PEX1: variants seen among roughly 807,000 people sequenced by gnomAD.
PEX1 encodes peroxisomal biogenesis factor 1.
PEX1 carries 97 observed loss-of-function variants against 152.5 expected under a neutral mutation model. The observed-to-expected ratio is 0.64, with a 90% confidence interval of 0.54 to 0.75. The LOEUF is 0.75. Among genes scored for constraint, PEX1 ranks in the 30% least tolerant of loss-of-function variants. The pLI is 0.00. For missense variants in PEX1, 1,357 were observed against 1,516.3 expected (o/e 0.89, Z 1.74); for synonymous variants, 485 against 531.6 (o/e 0.91, Z 1.21).
At chr7:92,494,877 T>C (rs987183591) in intron 17 of PEX1, among the ~76,000 whole-genome samples, 1 of 151,744 alleles carries the variant, frequency 6.6e-6, no homozygotes, top group African/African-American at 2.4e-5. Flanking sequence ...AGGCAAGGCA[T>C]ATGAAATTAC....
At chr7:92,488,934 G>A (rs147682900) in intron 23 of PEX1, among the ~76,000 whole-genome samples, 2,095 of 152,164 alleles carry the variant, frequency 0.014, 44 homozygotes, top group African/African-American at 0.044. Context: ...GGGTTTCCCC[G>A]TGTTGGTTAG....
intron 1 of PEX1, among the ~76,000 whole-genome samples, chr7:92,527,572 C>T (rs1162685642): frequency 6.6e-6 from 1 of 152,194 alleles, no homozygotes; most frequent in Non-Finnish European, 1.5e-5. Context: ...CTGGTGGGTA[C>T]CATGCATCCA....
chr7:92,488,466 C>CTAGA (rs1791059681), intron 23 of PEX1, among the ~76,000 whole-genome samples: 1 of 152,102 alleles, frequency 6.6e-6, no homozygotes, highest in South Asian at 2.1e-4. Context: ...AATCATTGAC[C>CTAGA]TAGAATGGTT....
At chr7:92,495,866 A>T (rs1160254080) in intron 17 of PEX1, among the ~76,000 whole-genome samples, 1 of 152,042 alleles carries the variant, frequency 6.6e-6, no homozygotes, top group Non-Finnish European at 1.5e-5. Context: ...ATTTCATGAG[A>T]TAGATACATA....
chr7:92,506,018 T>C (rs1792171080), intron 11 of PEX1, among the ~76,000 whole-genome samples: 1 of 151,930 alleles, frequency 6.6e-6, no homozygotes, highest in Non-Finnish European at 1.5e-5. Context: ...AGAAATGTAG[T>C]CTACAAAAAG....
chr7:92,504,788 G>T lies in PEX1; in HGVS notation c.2015C>A (p.Ala672Asp), dbSNP rs897278975. 1 of 1,614,194 alleles carries T rather than the reference G, an allele frequency of 6.2e-7. No homozygotes were observed. Among genetic ancestry groups the T allele is most frequent in the Admixed American group, 1.7e-5 (1 of 60,032 alleles). Residue 672 changes from alanine to aspartate, a missense_variant, in exon 12 of 24, where the codon GCT (alanine) becomes GAT (aspartate). Coordinates refer to ENST00000248633, the MANE Select transcript of PEX1 (RefSeq NM_000466.3). ...DDLDLIAGLP[A>D]VPEHEHSPDA... Reference sequence around the variant, plus strand: ...AGGACTGTGCTCATGTTCCGGGACAGCAGGCAGTCCAGCAATGAGGTCAAG... The same window carrying T: ...AGGACTGTGCTCATGTTCCGGGACATCAGGCAGTCCAGCAATGAGGTCAAG...
chr7:92,528,003 A>C (rs1793370165), intron 1 of PEX1, among the ~76,000 whole-genome samples: 1 of 152,226 alleles, frequency 6.6e-6, no homozygotes, highest in Admixed American at 6.5e-5. Context: ...ATAAAAACAA[A>C]CCACTTCTCA....
Position 92,511,037 on chromosome 7 carries a change from T to G in PEX1, c.1494A>C (p.Glu498Asp). 3.4e-6 allele frequency: 5 copies of G among 1,465,142 alleles called. No homozygotes were observed. The highest frequency in any genetic ancestry group is 4.8e-6 in the Non-Finnish European group (5 of 1,045,838). 90.8% of individuals were successfully genotyped at this position (1,465,142 alleles called of 1,614,324 possible). Residue 498 changes from glutamate (E) to aspartate (D), a missense_variant, in exon 8 of 24, where the codon GAA (glutamate) becomes GAC (aspartate). By Grantham distance (45) the Glu-to-Asp change is conservative. Coordinates refer to ENST00000248633, the MANE Select transcript of PEX1 (RefSeq NM_000466.3). ...IKLETKDGLKEFSLSIVHSWE... is the reference protein window; with the variant it reads ...IKLETKDGLKDFSLSIVHSWE... The stretch of plus-strand genomic sequence containing the variant: ...AAGAATGAACTATACTCAGAGAAAA[T>G]TCCTTCAGTCCTATTAAAAAGAAAG...
In PEX1 at chr7:92,503,072, T is replaced by C. The variant is rs147069266; in HGVS notation, c.2195A>G (p.Gln732Arg). The change falls in exon 13 of 24, where the codon CAG becomes CGG. Residue 732 changes from glutamine (Q) to arginine (R), a missense_variant. Transcript: ENST00000248633. ...AGGAGGCTGAATGTGTTGGACGCAC[T>C]GAAATATGTGAACTCCTTGAGCAGA... Reference protein sequence around the residue: ...LVSAQGVHIFQCVQHIQPPNQ... With the variant: ...LVSAQGVHIFRCVQHIQPPNQ... The C allele has an allele frequency of 1.1e-5, 17 of 1,613,704 alleles. No individual in the cohort carries two copies. The highest frequency in any genetic ancestry group is 1.4e-5 in the Non-Finnish European group (17 of 1,179,780).
chr7:92,504,142 C>T (rs1038808792), intron 12 of PEX1, among the ~76,000 whole-genome samples: 8 of 152,036 alleles, frequency 5.3e-5, no homozygotes, highest in African/African-American at 1.9e-4. Flanking sequence ...TATCCCACCT[C>T]ACCCCCAGTT....
intron 9 of PEX1, 57 bp downstream of exon 9, chr7:92,509,272 T>A: frequency 1.8e-6 from 2 of 1,116,274 alleles, no homozygotes; most frequent in South Asian, 2.5e-5. Flanking sequence ...TTGAAAACTC[T>A]GCCAGATATA....
intron 23 of PEX1, among the ~76,000 whole-genome samples, chr7:92,488,784 AGT>A (rs1257828214): frequency 6.9e-6 from 1 of 145,918 alleles, no homozygotes. Flanking sequence ...GGCTGGATGG[AGT>A]GCAGTGGTGC....
At chr7:92,504,958 A>C (rs1792115060) in intron 11 of PEX1, 56 bp from the exon 12 acceptor site, 1 of 1,355,362 alleles carries the variant, frequency 7.4e-7, no homozygotes, top group African/African-American at 1.4e-5. Flanking sequence ...GGGAAAATTC[A>C]GGTTGTCCTT....
intron 7 of PEX1, 106 bp from the exon 8 acceptor site, chr7:92,511,153 TC>T (rs929038451): frequency 1.6e-4 from 99 of 612,710 alleles, no homozygotes; most frequent in East Asian, 3.7e-4. Context: ...TTTTTTTTTT[TC>T]CCCCCAACAG....
intron 2 of PEX1, among the ~76,000 whole-genome samples, chr7:92,521,893 T>C (rs926498210): frequency 1.3e-5 from 2 of 152,096 alleles, no homozygotes; most frequent in African/African-American, 4.8e-5. Context: ...AATAGTAGAA[T>C]AAGAAGCAAG....
Position 92,487,379 on chromosome 7 carries a change from A to G in PEX1, c.*78T>C. The G allele has an allele frequency of 1.3e-6, 1 of 753,890 alleles. No individual in the cohort carries two copies. The highest frequency in any genetic ancestry group is 1.8e-5 in the African/African-American group (1 of 57,098). The allele number at this position is 753,890 out of a possible 1,614,324, so 46.7% of individuals were successfully genotyped here. ...TGTTAAATTAAGAAGAAATTCATAG[A>G]CACCATTTTTTTCCTGTTACAACAT... is the stretch of plus-strand genomic sequence containing the variant. On this transcript the variant is annotated 3_prime_UTR_variant, in exon 24 of 24. Coordinates refer to ENST00000248633, the MANE Select transcript of PEX1 (RefSeq NM_000466.3).
At chr7:92,491,754 C>T in intron 20 of PEX1, 1 of 461,314 alleles carries the variant, frequency 2.2e-6, no homozygotes, top group Non-Finnish European at 3.9e-6. Flanking sequence ...AGCTAAGACT[C>T]AGACCTCTGG....
At chr7:92,519,808 C>G (rs1335670197) in intron 2 of PEX1, among the ~76,000 whole-genome samples, 4 of 152,234 alleles carry the variant, frequency 2.6e-5, no homozygotes, top group Non-Finnish European at 4.4e-5. Context: ...TGTCTATAAG[C>G]TGGAGTCACC....
At chr7:92,492,546 C>T (rs572565572) in intron 20 of PEX1, among the ~76,000 whole-genome samples, 2 of 152,282 alleles carry the variant, frequency 1.3e-5, no homozygotes, top group Admixed American at 1.3e-4. Context: ...AGGAGCCATA[C>T]AAAAGGGGCT....
Sources: allele counts gnomAD v4.1 joint callset (sites outside exome capture counted in the v4.1 genomes callset), GRCh38; gene constraint gnomAD v4.1.1; transcripts MANE v1.5; gene names NCBI Gene and HGNC (gene_info 2026-07-23, HGNC 2026-07-21).